ITGA11: variants seen among roughly 807,000 people sequenced by gnomAD.
ITGA11 encodes integrin alpha-11.
A neutral mutation model predicts 141.9 loss-of-function variants in ITGA11; 97 were observed. That is an observed-to-expected ratio of 0.68 (90% confidence interval 0.58 to 0.81). The LOEUF (loss-of-function observed/expected upper bound fraction) is 0.81. Among genes scored for constraint, ITGA11 ranks in the 30% least tolerant of loss-of-function variants. ITGA11 has a pLI of 0.00. For missense variants in ITGA11, 1,387 were observed against 1,559.2 expected (o/e 0.89, Z 1.86); for synonymous variants, 658 against 624.6 (o/e 1.05, Z -0.80).
intron 11 of ITGA11, among the ~76,000 whole-genome samples, chr15:68,337,213 G>A (rs565136352): frequency 6.6e-6 from 1 of 152,290 alleles, no homozygotes; most frequent in South Asian, 2.1e-4. Flanking sequence ...GCATGGGTCA[G>A]CATTCAAAGT....
In ITGA11 at chr15:68,362,721, T is replaced by C. The variant is rs116726209; in HGVS notation, c.358-1017A>G. 5.0e-3 allele frequency among the ~76,000 whole-genome samples: 764 copies of C among 152,028 alleles called. 7 individuals carry two copies. The highest frequency in any genetic ancestry group is 0.018 in the African/African-American group (737 of 41,494). Reference sequence around the variant, plus strand: ...GGATAGATGTGAATGGATGGACAGATAGATGAATGGATAATGGATGGATGA... The same window carrying C: ...GGATAGATGTGAATGGATGGACAGACAGATGAATGGATAATGGATGGATGA... On this transcript the variant is annotated intron_variant, in intron 4 of 29. Transcript: ENST00000315757.
intron 1 of ITGA11, among the ~76,000 whole-genome samples, chr15:68,419,600 G>C (rs1595899999): frequency 6.6e-6 from 1 of 152,212 alleles, no homozygotes; most frequent in Non-Finnish European, 1.5e-5. Flanking sequence ...TGTTACATCT[G>C]GGTTTACAAT....
In ITGA11 at chr15:68,312,859, T is replaced by C; in HGVS notation, c.2887A>G (p.Ser963Gly). The change falls in exon 24 of 30, where the codon AGC becomes GGC. Residue 963 changes from serine (S) to glycine (G), a missense_variant. By Grantham distance (56) the Ser-to-Gly change is moderately conservative. Transcript: ENST00000315757. ...YEADVLFTRS[S>G]SLSHYEVKPN... Reference sequence around the variant, plus strand: ...TTGACCTCGTAGTGGCTCAGGCTGCTGCTCCTGCGGAGACAGAGGACAGGG... The same window carrying C: ...TTGACCTCGTAGTGGCTCAGGCTGCCGCTCCTGCGGAGACAGAGGACAGGG... 1 of 1,612,402 alleles carries C rather than the reference T, an allele frequency of 6.2e-7. No homozygotes were observed. The highest frequency in any genetic ancestry group is 8.5e-7 in the Non-Finnish European group (1 of 1,178,624).
intron 21 of ITGA11, among the ~76,000 whole-genome samples, chr15:68,316,211 G>A (rs574061519): frequency 3.3e-5 from 5 of 152,288 alleles, no homozygotes; most frequent in South Asian, 2.1e-4. Context: ...GAGGGATGAG[G>A]GCCAGTGGCC....
rs1892917694 is a variant in ITGA11 at position 68,296,704 on chromosome 15, A to C, written c.*6355T>G. On this transcript the variant is annotated 3_prime_UTR_variant, in exon 30 of 30. Transcript: ENST00000315757. ...AATAGTTGTAGCTTATTTACTTTAA[A>C]TATGGTACTTTTGTATCCAAAGTTT... 6.6e-6 allele frequency: 1 copy of C among 152,122 alleles called. No homozygotes were observed. The highest frequency in any genetic ancestry group is 2.4e-5 in the African/African-American group (1 of 41,414). 9.4% of individuals were successfully genotyped at this position (152,122 alleles called of 1,614,324 possible).
intron 2 of ITGA11, among the ~76,000 whole-genome samples, chr15:68,377,318 C>A (rs1895753480): frequency 6.6e-6 from 1 of 152,144 alleles, no homozygotes. Flanking sequence ...GTTGCCCCGG[C>A]TGGAGTGCAG....
At chr15:68,419,739 G>A (rs1262343711) in intron 1 of ITGA11, among the ~76,000 whole-genome samples, 1 of 152,200 alleles carries the variant, frequency 6.6e-6, no homozygotes, top group Non-Finnish European at 1.5e-5. Flanking sequence ...GAGAGGTTTG[G>A]ATTCTGGCTC....
intron 6 of ITGA11, among the ~76,000 whole-genome samples, chr15:68,358,220 G>T (rs1396822952): frequency 6.6e-6 from 1 of 152,168 alleles, no homozygotes. Context: ...AGTCTTCACA[G>T]GTGGTGTCTT....
At chr15:68,342,848 C>A (rs72743237) in intron 10 of ITGA11, among the ~76,000 whole-genome samples, 2 of 152,272 alleles carry the variant, frequency 1.3e-5, no homozygotes, top group Non-Finnish European at 2.9e-5. Flanking sequence ...TGGTCCCTTA[C>A]GGCAGAGTTA....
At chr15:68,315,310 G>A (rs1893534933) in intron 22 of ITGA11, among the ~76,000 whole-genome samples, 4 of 152,214 alleles carry the variant, frequency 2.6e-5, no homozygotes, top group Admixed American at 2.6e-4. Flanking sequence ...ATCTTAAGGG[G>A]CCTCTGTGAG....
At chr15:68,422,398 G>T (rs951940845) in intron 1 of ITGA11, among the ~76,000 whole-genome samples, 1 of 152,012 alleles carries the variant, frequency 6.6e-6, no homozygotes, top group African/African-American at 2.4e-5. Flanking sequence ...TGGTGACCAG[G>T]CCCTGTTAAA....
rs928940743 is a variant in ITGA11, at chr15:68,307,019, C to T, written c.3381+329G>A. Among the ~76,000 whole-genome samples the T allele has an allele frequency of 2.0e-5, 3 of 152,226 alleles. No homozygotes were observed. Among genetic ancestry groups the T allele is most frequent in the Non-Finnish European group, 4.4e-5 (3 of 68,032 alleles). ...GGGTCTCACAGAGTCTCACTCCTTTCCTGGACCCTGGATGAAGCCAGTGTA... is the reference window on the plus strand; with the variant it reads ...GGGTCTCACAGAGTCTCACTCCTTTTCTGGACCCTGGATGAAGCCAGTGTA... On this transcript the variant is annotated intron_variant, in intron 28 of 29. Coordinates refer to ENST00000315757, the MANE Select transcript of ITGA11 (RefSeq NM_001004439.2). This position sits in a 1 kb window ranked among gnomAD's most constrained non-coding sequence, Gnocchi z 6.1.
At position 68,425,041 on chromosome 15, in the gene ITGA11, C is replaced by A. The variant is rs552347591; in HGVS notation, c.52+6974G>T. ...TCTCCATGTTTCTTGAGGCAGAGAC[C>A]GCGCTTTATCTAATTTGGAATTCCC... On this transcript the variant is annotated intron_variant, in intron 1 of 29. Coordinates refer to ENST00000315757, the MANE Select transcript of ITGA11 (RefSeq NM_001004439.2). 2.0e-5 allele frequency among the ~76,000 whole-genome samples: 3 copies of A among 152,322 alleles called. No individual in the cohort carries two copies. The South Asian group carries it at 6.2e-4, about 32-fold the overall frequency.
At chr15:68,418,498 G>A (rs1187186314) in intron 1 of ITGA11, among the ~76,000 whole-genome samples, 3 of 152,140 alleles carry the variant, frequency 2.0e-5, no homozygotes, top group East Asian at 1.9e-4. Flanking sequence ...CACAGGACTC[G>A]ATGCTTTAAG....
Position 68,297,581 on chromosome 15 carries a change from G to A in ITGA11, c.*5478C>T, listed in dbSNP as rs2140250275. On this transcript the variant is annotated 3_prime_UTR_variant, in exon 30 of 30. Transcript: ENST00000315757. ...ACTATTTTCCTTTTATTACCACTAC[G>A]TACTTCTAAATATTAATGTTTTTAC... The A allele has an allele frequency of 6.7e-6, 1 of 149,636 alleles. No homozygotes were observed. The highest frequency in any genetic ancestry group is 2.1e-4 in the South Asian group (1 of 4,740). 9.3% of individuals were successfully genotyped at this position (149,636 alleles called of 1,614,324 possible).
In ITGA11 at chr15:68,358,475, C is replaced by A; in HGVS notation, c.583G>T (p.Gly195Cys). 6.2e-7 allele frequency: 1 copy of A among 1,611,762 alleles called. No individual in the cohort carries two copies. The highest frequency in any genetic ancestry group is 8.5e-7 in the Non-Finnish European group (1 of 1,179,062). Residue 195 changes from glycine to cysteine, a missense_variant, in exon 6 of 30, where the codon GGC becomes TGC. Transcript: ENST00000315757. ...ATGCTCACCTGGATCTGCCCTGGGCCAATGTAAAACTTTTTCAGGATGTTG... is the reference window on the plus strand; with the variant it reads ...ATGCTCACCTGGATCTGCCCTGGGCAAATGTAAAACTTTTTCAGGATGTTG... ...LINILKKFYI[G>C]PGQIQVGVVQ...
Position 68,305,597 on chromosome 15 carries a change from C to T in ITGA11, c.3382-1712G>A, listed in dbSNP as rs1393963907. ...ACCACCTGCAACAGCAGACAGAGCC[C>T]TCCTTTGGCCACTGACTCACTGTTC... On this transcript the variant is annotated intron_variant, in intron 28 of 29. Transcript: ENST00000315757. The surrounding 1 kb of genome is among the most constrained non-coding windows in gnomAD (Gnocchi z 4.6). 6.6e-6 allele frequency among the ~76,000 whole-genome samples: 1 copy of T among 152,048 alleles called. No homozygotes were observed. The highest frequency in any genetic ancestry group is 2.4e-5 in the African/African-American group (1 of 41,312).
rs573730343 is a variant in ITGA11 at position 68,320,305 on chromosome 15, C to T, written c.2496G>A (p.Glu832=). 162 of 1,613,954 alleles carry T rather than the reference C, an allele frequency of 1.0e-4. 4 individuals carry two copies. The South Asian group carries it at 1.7e-3, about 17-fold the overall frequency. The stretch of plus-strand genomic sequence containing the variant: ...CCACCGCCACTCGCTGGCGTGTGCT[C>T]TCTATGATGAAGACTGTGGTGTCGA... ...LSFDTTVFII[E]STRQRVAVEA... is the part of the protein sequence containing the mutation. Residue 832 remains glutamate, a synonymous_variant, in exon 20 of 30, where the codon GAG becomes GAA. Coordinates refer to ENST00000315757, the MANE Select transcript of ITGA11 (RefSeq NM_001004439.2).
At chr15:68,409,104 C>T (rs925352779) in intron 1 of ITGA11, among the ~76,000 whole-genome samples, 4 of 150,682 alleles carry the variant, frequency 2.7e-5, no homozygotes, top group Non-Finnish European at 6.0e-5. Flanking sequence ...GAGCTGGCCT[C>T]AGCGCTTTTG....
Sources: allele counts gnomAD v4.1 joint callset (sites outside exome capture counted in the v4.1 genomes callset), GRCh38; gene constraint gnomAD v4.1.1; non-coding constraint Gnocchi (gnomAD v3.1); transcripts MANE v1.5; gene names NCBI Gene and HGNC (gene_info 2026-07-23, HGNC 2026-07-21).